Variants in UBE2W observed in about 807,000 individuals in gnomAD.
The protein encoded by UBE2W is ubiquitin conjugating enzyme E2 W.
A neutral mutation model predicts 27.2 loss-of-function variants in UBE2W; 18 were observed. The ratio of observed to expected loss-of-function variants is 0.66; its 90% CI spans 0.46 to 0.98. The LOEUF is 0.98. Ranked by LOEUF, UBE2W falls within the 50% of genes least tolerant of loss-of-function variation. The probability of loss-of-function intolerance (pLI) is 0.00; values close to 1 mark genes in which losing one functional copy is unlikely to be tolerated. For synonymous variants in UBE2W, 53 were observed against 57.2 expected, an observed-to-expected ratio of 0.93 and a Z score of 0.33; for missense variants, 90 against 180.2, an observed-to-expected ratio of 0.50 and a Z score of 2.87.
At position 73,805,770 on chromosome 8, in the gene UBE2W, T is replaced by C. The variant is rs755798025; in HGVS notation, c.367-44A>G. 2.4e-5 allele frequency: 28 copies of C among 1,171,532 alleles called. No homozygotes were observed. The African/African-American group carries it at 4.0e-4, about 17-fold the overall frequency. The allele number at this position is 1,171,532 out of a possible 1,614,324, so 72.6% of individuals were successfully genotyped here. A position where few individuals can be genotyped will look rare whatever the true frequency, so the allele number is the denominator to read the frequency against. On this transcript the variant is annotated intron_variant, in intron 4 of 5. Coordinates refer to ENST00000602593, the MANE Select transcript of UBE2W (RefSeq NM_018299.6). ...TAAATAGGTTGAAAAACAGAAAAAC[T>C]GAGAGGGTGACAGTTTTAATAAAAG...
At chr8:73,868,615 C>G (rs1048759062) in intron 1 of UBE2W, among the ~76,000 whole-genome samples, 1 of 151,764 alleles carries the variant, frequency 6.6e-6, no homozygotes, top group Admixed American at 6.6e-5. Flanking sequence ...AAAGTGGGGG[C>G]CAGTCCTGTG....
chr8:73,821,687 GT>G (rs1809622079), intron 3 of UBE2W, among the ~76,000 whole-genome samples: 1 of 150,690 alleles, frequency 6.6e-6, no homozygotes, highest in African/African-American at 2.5e-5. Flanking sequence ...TACTGTAATG[GT>G]TCAAATAAAA....
chr8:73,815,794 G>A (rs1809361370), intron 3 of UBE2W, among the ~76,000 whole-genome samples: 1 of 152,160 alleles, frequency 6.6e-6, no homozygotes, highest in African/African-American at 2.4e-5. Flanking sequence ...AATTATAAAA[G>A]CCAATCTACA....
At chr8:73,822,611 A>T (rs1357346684) in intron 3 of UBE2W, among the ~76,000 whole-genome samples, 1 of 123,442 alleles carries the variant, frequency 8.1e-6, no homozygotes, top group Non-Finnish European at 1.6e-5. Context: ...GCAAAAAAAA[A>T]AAAAAAAAAA....
At chr8:73,842,613 T>G (rs1810591335) in intron 1 of UBE2W, among the ~76,000 whole-genome samples, 2 of 147,192 alleles carry the variant, frequency 1.4e-5, no homozygotes, top group South Asian at 2.1e-4. Flanking sequence ...CAAAACCTAC[T>G]GAAATAAAGA....
At chr8:73,876,762 A>C (rs915868314) in intron 1 of UBE2W, among the ~76,000 whole-genome samples, 3 of 152,310 alleles carry the variant, frequency 2.0e-5, no homozygotes, top group African/African-American at 7.2e-5. Flanking sequence ...TGAGTTCGGG[A>C]GTTCAAGACC....
intron 3 of UBE2W, among the ~76,000 whole-genome samples, chr8:73,813,925 G>A (rs1272091180): frequency 1.3e-5 from 2 of 152,000 alleles, no homozygotes; most frequent in Non-Finnish European, 2.9e-5. Flanking sequence ...TAGAGATGGG[G>A]TTTTACCACG....
chr8:73,845,960 A>C lies in UBE2W; in HGVS notation c.16-15488T>G, dbSNP rs550357587. ...AGTTTTACTACCAACAGTAACCAAC[A>C]AAAGATTAAACCCTGAATTCCTTCT... On this transcript the variant is annotated intron_variant, in intron 1 of 5. Coordinates refer to ENST00000602593, the MANE Select transcript of UBE2W (RefSeq NM_018299.6). Among the ~76,000 whole-genome samples the C allele has an allele frequency of 4.3e-3, 648 of 152,364 alleles. 6 individuals carry two copies. Among genetic ancestry groups the C allele is most frequent in the African/African-American group, 0.015 (622 of 41,580 alleles).
At position 73,787,663 on chromosome 8, in the gene UBE2W, T is replaced by C; in HGVS notation, c.*6439A>G. On this transcript the variant is annotated 3_prime_UTR_variant, in exon 6 of 6. Transcript: ENST00000602593. Reference sequence around the variant, plus strand: ...CTGTCAGGAATAACAGATGCTGAGATAGCCCCTTCTTGTGGTTATTTCTTT... The same window carrying C: ...CTGTCAGGAATAACAGATGCTGAGACAGCCCCTTCTTGTGGTTATTTCTTT... The C allele has an allele frequency of 1.0e-6, 1 of 985,460 alleles. No homozygotes were observed. The highest frequency in any genetic ancestry group is 1.2e-6 in the Non-Finnish European group (1 of 829,930). 61.0% of individuals were successfully genotyped at this position (985,460 alleles called of 1,614,324 possible).
intron 3 of UBE2W, among the ~76,000 whole-genome samples, chr8:73,811,217 A>G (rs1489779053): frequency 1.3e-5 from 2 of 152,094 alleles, no homozygotes; most frequent in African/African-American, 2.4e-5. Context: ...GAAAAATACA[A>G]AAGTTGACCA....
At chr8:73,853,229 GT>G (rs1811151566) in intron 1 of UBE2W, among the ~76,000 whole-genome samples, 1 of 152,176 alleles carries the variant, frequency 6.6e-6, no homozygotes, top group South Asian at 2.1e-4. Context: ...AATTTCTGTT[GT>G]TTATAATTAC....
intron 1 of UBE2W, among the ~76,000 whole-genome samples, chr8:73,852,672 A>G (rs1325559840): frequency 3.3e-5 from 5 of 152,206 alleles, no homozygotes; most frequent in African/African-American, 4.8e-5. Flanking sequence ...AGATTCTGAT[A>G]TATATAAATT....
intron 5 of UBE2W, among the ~76,000 whole-genome samples, chr8:73,805,018 T>C (rs1808815147): frequency 1.3e-5 from 2 of 152,018 alleles, no homozygotes; most frequent in African/African-American, 4.8e-5. Context: ...CCACCATGCC[T>C]GGGCTCCCAG....
chr8:73,872,395 C>A (rs1812038764), intron 1 of UBE2W, among the ~76,000 whole-genome samples: 1 of 152,154 alleles, frequency 6.6e-6, no homozygotes, highest in Non-Finnish European at 1.5e-5. Flanking sequence ...ATTTAAAATT[C>A]ATATTTATAT....
intron 4 of UBE2W, among the ~76,000 whole-genome samples, chr8:73,810,063 A>G (rs1194830232): frequency 1.3e-5 from 2 of 152,112 alleles, no homozygotes; most frequent in Non-Finnish European, 2.9e-5. Flanking sequence ...TTCCTGAAAA[A>G]TTCCCTGAAA....
intron 1 of UBE2W, among the ~76,000 whole-genome samples, chr8:73,872,901 CTTTTT>C (rs869161392): frequency 7.5e-6 from 1 of 132,706 alleles, no homozygotes; most frequent in Non-Finnish European, 1.6e-5. Context: ...TTTTTTTTTC[CTTTTT>C]TTTTTTTTTG....
chr8:73,812,891 G>T (rs190517799), intron 3 of UBE2W, among the ~76,000 whole-genome samples: 1 of 151,446 alleles, frequency 6.6e-6, no homozygotes, highest in Non-Finnish European at 1.5e-5. Flanking sequence ...TGTCATTCCA[G>T]CTATTTGGGA....
chr8:73,819,634 C>A (rs941463917), intron 3 of UBE2W, among the ~76,000 whole-genome samples: 1 of 152,156 alleles, frequency 6.6e-6, no homozygotes, highest in South Asian at 2.1e-4. Flanking sequence ...TGTACATTAG[C>A]GGCAAGCAGT....
chr8:73,821,336 C>G (rs1172770644), intron 3 of UBE2W, among the ~76,000 whole-genome samples: 1 of 151,938 alleles, frequency 6.6e-6, no homozygotes, highest in South Asian at 2.1e-4. Flanking sequence ...TTATGAAGTA[C>G]TATATAGAAA....
Sources: gnomAD v4.1 joint callset for allele counts (sites outside exome capture counted in the v4.1 genomes callset) on GRCh38, gnomAD v4.1.1 for gene constraint, MANE v1.5 for transcripts, NCBI Gene and HGNC (gene_info 2026-07-23, HGNC 2026-07-21) for gene names.